The following SRRM4 variants were observed in gnomAD, a reference collection of about 807,000 sequenced individuals.
The protein encoded by SRRM4 is serine/arginine repetitive matrix 4.
Under a neutral mutation model 68.9 loss-of-function variants are expected in SRRM4, and 33 were observed. The observed-to-expected ratio is 0.48, with a 90% CI of 0.36 to 0.64. SRRM4 has a LOEUF of 0.64. Ranked by LOEUF, SRRM4 falls within the 30% of genes least tolerant of loss-of-function variation. The probability of loss-of-function intolerance (pLI) is 0.00; values close to 1 mark genes in which losing one functional copy is unlikely to be tolerated. For missense variants in SRRM4, 817 were observed against 827.1 expected, an observed-to-expected ratio of 0.99 and a Z score of 0.15; for synonymous variants, 318 against 318.8, an observed-to-expected ratio of 1.00 and a Z score of 0.03.
chr12:119,142,384 G>A (rs988643105), intron 8 of SRRM4, among the ~76,000 whole-genome samples: 1 of 152,190 alleles, frequency 6.6e-6, no homozygotes, highest in Non-Finnish European at 1.5e-5. Context: ...GGATAAGTCA[G>A]AGCCAGGTGG....
intron 3 of SRRM4, among the ~76,000 whole-genome samples, chr12:119,115,538 G>T (rs73213759): frequency 0.034 from 5,178 of 152,216 alleles, 99 homozygotes; most frequent in Non-Finnish European, 0.041. Flanking sequence ...AGGTTTTCTG[G>T]AACCTTGTTT....
At chr12:119,139,366 C>T (rs1293527314) in intron 8 of SRRM4, among the ~76,000 whole-genome samples, 7 of 152,210 alleles carry the variant, frequency 4.6e-5, no homozygotes, top group African/African-American at 1.7e-4. Flanking sequence ...TCAATTGTAT[C>T]TTCTTTCCTC....
intron 2 of SRRM4, among the ~76,000 whole-genome samples, chr12:119,112,389 G>T (rs1204303120): frequency 1.1e-4 from 17 of 152,160 alleles, no homozygotes; most frequent in Admixed American, 1.1e-3. Flanking sequence ...GAAGATGGTG[G>T]TTCCTCAAAG....
In SRRM4 at chr12:119,009,533, A is replaced by G. The variant is rs1036044042; in HGVS notation, c.131+27520A>G. Among the ~76,000 whole-genome samples the G allele has an allele frequency of 4.6e-5, 7 of 152,356 alleles. No homozygotes were observed. In the South Asian group the frequency reaches 1.4e-3, roughly 32 times the overall value. ...CTTCTAAAAGCTTGGCATCAAGAGC[A>G]AGGCTTTGATCTCTGCACATCTGGG... On this transcript the variant is annotated intron_variant, in intron 1 of 12. Coordinates refer to ENST00000267260, the MANE Select transcript of SRRM4 (RefSeq NM_194286.4).
chr12:119,117,149 G>GTGTAAGCTGGGAC, intron 4 of SRRM4, 141 bp downstream of exon 4: 2 of 737,296 alleles, frequency 2.7e-6, no homozygotes, highest in South Asian at 3.4e-5. Context: ...TTTGTGTCTT[G>GTGTAAGCTGGGAC]TGTAAGCTGG....
intron 1 of SRRM4, among the ~76,000 whole-genome samples, chr12:119,002,330 A>G (rs1953389976): frequency 6.6e-6 from 1 of 151,914 alleles, no homozygotes; most frequent in Non-Finnish European, 1.5e-5. Context: ...TCATTTGCAC[A>G]TTGAGTTAAT....
At position 119,126,014 on chromosome 12, in the gene SRRM4, C is replaced by CT. The variant is rs34680171; in HGVS notation, c.614+562dup. Among the ~76,000 whole-genome samples the CT allele has an allele frequency of 4.7e-3, 337 of 71,156 alleles. 51 individuals are homozygous for CT. Among genetic ancestry groups the CT allele is most frequent in the African/African-American group, 8.6e-3 (153 of 17,718 alleles). The allele number at this position is 71,156 out of a possible 152,430, so 46.7% of individuals were successfully genotyped here. On this transcript the variant is annotated intron_variant, in intron 7 of 12. Coordinates refer to ENST00000267260, the MANE Select transcript of SRRM4 (RefSeq NM_194286.4). ...AGGAATGACAACACCATACTAGCTG[C>CT]TTTTTTTTTTTTTTTTTTTTTTTTT...
chr12:118,986,790 A>G (rs906089944), intron 1 of SRRM4, among the ~76,000 whole-genome samples: 3 of 152,168 alleles, frequency 2.0e-5, no homozygotes, highest in Non-Finnish European at 4.4e-5. Flanking sequence ...GGCCACCAAA[A>G]AAAGGGAACA....
At chr12:119,070,771 T>G (rs1056038483) in intron 1 of SRRM4, among the ~76,000 whole-genome samples, 1 of 152,238 alleles carries the variant, frequency 6.6e-6, no homozygotes, top group Non-Finnish European at 1.5e-5. Flanking sequence ...CAAAGTCCAC[T>G]GTTCCACTAT....
At chr12:119,023,458 T>A (rs377415133) in intron 1 of SRRM4, among the ~76,000 whole-genome samples, 3 of 152,248 alleles carry the variant, frequency 2.0e-5, no homozygotes, top group South Asian at 4.1e-4. Context: ...ATTCCTTTGA[T>A]CCCTATCAAG....
intron 8 of SRRM4, chr12:119,132,212 G>C (rs908331648): frequency 6.6e-6 from 1 of 152,076 alleles, no homozygotes; most frequent in African/African-American, 2.4e-5. Context: ...TCCAAAAAGG[G>C]GTCTTCCCAG....
chr12:119,156,415 C>T (rs1049656333), intron 12 of SRRM4, 80 bp from the exon 13 acceptor site: 63 of 1,479,226 alleles, frequency 4.3e-5, no homozygotes, highest in Non-Finnish European at 5.6e-5. Flanking sequence ...ATATTGGTTT[C>T]CCTTGGGACA....
chr12:119,138,279 G>A (rs1164452544), intron 8 of SRRM4, among the ~76,000 whole-genome samples: 1 of 152,162 alleles, frequency 6.6e-6, no homozygotes, highest in Non-Finnish European at 1.5e-5. Context: ...TACTAAGGGA[G>A]CTAACGAAAG....
intron 1 of SRRM4, among the ~76,000 whole-genome samples, chr12:118,994,858 G>A (rs920468014): frequency 2.6e-5 from 4 of 152,196 alleles, no homozygotes; most frequent in Non-Finnish European, 5.9e-5. Flanking sequence ...CAGTTTGATG[G>A]TGGTGGTGGA....
intron 1 of SRRM4, among the ~76,000 whole-genome samples, chr12:119,095,848 T>C (rs1476992898): frequency 6.7e-6 from 1 of 149,560 alleles, no homozygotes; most frequent in Non-Finnish European, 1.5e-5. Context: ...TAATCCCAGC[T>C]ACTCAGGAAG....
At chr12:119,145,764 C>T (rs1332116927) in intron 9 of SRRM4, 79 bp downstream of exon 9, 4 of 1,159,320 alleles carry the variant, frequency 3.5e-6, no homozygotes, top group Admixed American at 3.6e-5. Flanking sequence ...CCCAGCCTCC[C>T]CCACTCCACC....
At chr12:119,044,618 A>C (rs1565896384) in intron 1 of SRRM4, among the ~76,000 whole-genome samples, 1 of 151,918 alleles carries the variant, frequency 6.6e-6, no homozygotes, top group Non-Finnish European at 1.5e-5. Flanking sequence ...GACTTGGCCA[A>C]GTCCTTTAGC....
intron 6 of SRRM4, among the ~76,000 whole-genome samples, chr12:119,122,839 A>G (rs1244449397): frequency 6.6e-6 from 1 of 152,180 alleles, no homozygotes; most frequent in Non-Finnish European, 1.5e-5. Flanking sequence ...GAGCATGTGT[A>G]TGAATTCATG....
At chr12:119,051,579 A>G (rs1305626266) in intron 1 of SRRM4, among the ~76,000 whole-genome samples, 2 of 152,226 alleles carry the variant, frequency 1.3e-5, no homozygotes, top group African/African-American at 4.8e-5. Flanking sequence ...TATTTCTCAA[A>G]GTACCCACTA....
Sources: gnomAD v4.1 joint callset for allele counts (sites outside exome capture counted in the v4.1 genomes callset) on GRCh38, gnomAD v4.1.1 for gene constraint, MANE v1.5 for transcripts, NCBI Gene and HGNC (gene_info 2026-07-23, HGNC 2026-07-21) for gene names.